MICALL1: variants seen among roughly 807,000 people sequenced by gnomAD.
MICALL1 encodes the protein MICAL like 1, also known as MICAL-like protein 1.
Under a neutral mutation model 83.7 loss-of-function variants are expected in MICALL1, and 61 were observed. That is an observed-to-expected ratio of 0.73 (90% confidence interval 0.59 to 0.90). The LOEUF (loss-of-function observed/expected upper bound fraction) is 0.90. Among genes scored for constraint, MICALL1 ranks in the 40% least tolerant of loss-of-function variants. The pLI, the probability that MICALL1 is intolerant of heterozygous loss-of-function variation, is 0.00. For missense variants in MICALL1, 1,066 were observed against 1,152.0 expected, an observed-to-expected ratio of 0.93 and a Z score of 1.08; for synonymous variants, 481 against 473.6, an observed-to-expected ratio of 1.02 and a Z score of -0.20.
At chr22:37,919,204 C>G in intron 5 of MICALL1, 26 bp downstream of exon 5, 15 of 1,494,980 alleles carry the variant, frequency 1.0e-5, no homozygotes, top group Non-Finnish European at 1.3e-5. Context: ...CGCGTGTTAC[C>G]CCCGAAACCA....
chr22:37,940,944 G>T lies in MICALL1; in HGVS notation c.*114G>T. 1 of 1,374,390 alleles carries T rather than the reference G, an allele frequency of 7.3e-7. No homozygotes were observed. Among genetic ancestry groups the T allele is most frequent in the Non-Finnish European group, 1.0e-6 (1 of 1,004,940 alleles). The allele number at this position is 1,374,390 out of a possible 1,614,324, so 85.1% of individuals were successfully genotyped here. On this transcript the variant is annotated 3_prime_UTR_variant, in exon 16 of 16. Transcript: ENST00000215957. ...ATCAGTCAGGAGGAAGATGACTAAG[G>T]GGAGGGATCCTCTGGGTGATGGCCT...
chr22:37,909,483 C>T lies in MICALL1; in HGVS notation c.147-2469C>T, dbSNP rs554226963. On this transcript the variant is annotated intron_variant, in intron 1 of 15. Transcript: ENST00000215957. ...ACGCCATTCTCCTGCCTTAGCCTCC[C>T]GAGTAGCTGGGACTACAGGTGCCCG... Among the ~76,000 whole-genome samples, 504 of 152,156 alleles carry T rather than the reference C, an allele frequency of 3.3e-3. 2 individuals carry two copies. Among genetic ancestry groups the T allele is most frequent in the African/African-American group, 0.012 (479 of 41,500 alleles).
chr22:37,923,587 C>T (rs758614721), intron 6 of MICALL1, among the ~76,000 whole-genome samples: 49 of 152,364 alleles, frequency 3.2e-4, no homozygotes, highest in Middle Eastern at 3.4e-3. Context: ...CTGCCGTGCT[C>T]TGTTCTCCAT....
In MICALL1 at chr22:37,931,792, C is replaced by G; in HGVS notation, c.1882-7C>G. On this transcript the variant is annotated splice_polypyrimidine_tract_variant and splice_region_variant and intron_variant, in intron 9 of 15. Coordinates refer to ENST00000215957, the MANE Select transcript of MICALL1 (RefSeq NM_033386.4). Reference sequence around the variant, plus strand: ...GCTCACCCTCTGTCATGTCTCCTTCCCTTTAGTCCTCCTGCAAGGAGAATC... The same window carrying G: ...GCTCACCCTCTGTCATGTCTCCTTCGCTTTAGTCCTCCTGCAAGGAGAATC... 1 of 1,614,026 alleles carries G rather than the reference C, an allele frequency of 6.2e-7. No homozygotes were observed. The highest frequency in any genetic ancestry group is 8.5e-7 in the Non-Finnish European group (1 of 1,179,952).
rs371341623 is a variant in MICALL1 at position 37,919,197 on chromosome 22, G to T, written c.569+19G>T. ...GCTTCCGGTGAGTGGCCAGGGCCGCGTGTTACCCCCGAAACCAGGGAGGGG... is the reference window on the plus strand; with the variant it reads ...GCTTCCGGTGAGTGGCCAGGGCCGCTTGTTACCCCCGAAACCAGGGAGGGG... On this transcript the variant is annotated intron_variant, in intron 5 of 15. Transcript: ENST00000215957. 3,524 of 1,504,922 alleles carry T rather than the reference G, an allele frequency of 2.3e-3. 64 individuals are homozygous for T. The South Asian group carries it at 0.026, about 11-fold the overall frequency. The allele number at this position is 1,504,922 out of a possible 1,614,324, so 93.2% of individuals were successfully genotyped here. A position where few individuals can be genotyped will look rare whatever the true frequency, so the allele number is the denominator to read the frequency against.
intron 3 of MICALL1, among the ~76,000 whole-genome samples, chr22:37,914,734 TG>T (rs1569136780): frequency 1.3e-5 from 2 of 151,666 alleles, no homozygotes; most frequent in Non-Finnish European, 2.9e-5. Context: ...TCAACCTTCC[TG>T]GGCTGCGGTG....
At chr22:37,922,787 TTTTTTTTTG>T (rs1929163720) in intron 6 of MICALL1, among the ~76,000 whole-genome samples, 15 of 125,752 alleles carry the variant, frequency 1.2e-4, no homozygotes, top group African/African-American at 5.0e-4. Flanking sequence ...TTTTGTTTTG[TTTTTTTTTG>T]TTTTTTTTTT....
rs559987057 is a variant in MICALL1, at chr22:37,922,498, G to T, written c.1024+72G>T. 2.0e-5 allele frequency: 25 copies of T among 1,237,784 alleles called. No individual in the cohort carries two copies. In the Admixed American group the frequency reaches 5.8e-4, roughly 29 times the overall value. 76.7% of individuals were successfully genotyped at this position (1,237,784 alleles called of 1,614,324 possible). On this transcript the variant is annotated intron_variant, in intron 6 of 15. Transcript: ENST00000215957. ...TGTCTATTGAAAAGTCTGTGTGTCT[G>T]GGAGTGTTGGTGGGCCCCTCTCCAT...
intron 3 of MICALL1, among the ~76,000 whole-genome samples, chr22:37,917,121 C>T (rs1031184317): frequency 6.6e-6 from 1 of 152,120 alleles, no homozygotes; most frequent in African/African-American, 2.4e-5. Flanking sequence ...ATCCACCCAC[C>T]TCAGCCTCCC....
rs903065104 is a variant in MICALL1, at chr22:37,922,078, C to G, written c.676C>G (p.Arg226Gly). The G allele has an allele frequency of 1.1e-5, 18 of 1,613,256 alleles. No individual in the cohort carries two copies. The highest frequency in any genetic ancestry group is 3.3e-4 in the Middle Eastern group (2 of 6,084). ...EHCARLGPGT[R>G]SGTRPGPFSQ... ...CTGTGCCAGGCTGGGCCCGGGGACA[C>G]GGTCGGGGACCAGGCCTGGGCCCTT... Residue 226 changes from arginine to glycine, a missense_variant, in exon 6 of 16, where the codon CGG (arginine) becomes GGG (glycine). Arg to Gly is a moderately radical substitution (Grantham distance 125, BLOSUM62 -2). Transcript: ENST00000215957.
At chr22:37,933,812 T>C (rs1929934575) in intron 13 of MICALL1, among the ~76,000 whole-genome samples, 1 of 152,124 alleles carries the variant, frequency 6.6e-6, no homozygotes, top group African/African-American at 2.4e-5. Context: ...TCTTGACAGA[T>C]GGGAAGTGGA....
Position 37,924,622 on chromosome 22 carries a change from G to A in MICALL1, c.1025-38G>A. ...GCTCCCTGGGTGCCCACCTCCTGCTGCCCATGAAGGCCTGGCTCACTCTCC... is the reference window on the plus strand; with the variant it reads ...GCTCCCTGGGTGCCCACCTCCTGCTACCCATGAAGGCCTGGCTCACTCTCC... On this transcript the variant is annotated intron_variant, in intron 6 of 15. Transcript: ENST00000215957. This position sits in a 1 kb window ranked among gnomAD's most constrained non-coding sequence, Gnocchi z 5.2. The A allele has an allele frequency of 6.3e-7, 1 of 1,596,616 alleles. No homozygotes were observed. The highest frequency in any genetic ancestry group is 8.6e-7 in the Non-Finnish European group (1 of 1,169,290).
chr22:37,922,602 T>TATATATATATATATATA (rs36105155), intron 6 of MICALL1, among the ~76,000 whole-genome samples, 176 bp downstream of exon 6: 1 of 37,206 alleles, frequency 2.7e-5, no homozygotes, highest in African/African-American at 1.2e-4. Context: ...TATATATATA[T>TATATATATATATATATA]TTTTTTTTTT....
intron 1 of MICALL1, among the ~76,000 whole-genome samples, chr22:37,908,719 G>A (rs145837485): frequency 7.7e-4 from 117 of 152,282 alleles, no homozygotes; most frequent in African/African-American, 2.8e-3. Context: ...AACCCTACAC[G>A]CTCTCCCACA....
rs1003632581 is a variant in MICALL1 at position 37,917,593 on chromosome 22, A to T, written c.338-114A>T. ...GAGCCAGCTCCTGTCCCACTGCATT[A>T]GGTGGTCTGCCTTTAGGTGATGGCT... is the stretch of plus-strand genomic sequence containing the variant. On this transcript the variant is annotated intron_variant, in intron 3 of 15. Coordinates refer to ENST00000215957, the MANE Select transcript of MICALL1 (RefSeq NM_033386.4). 4 of 892,380 alleles carry T rather than the reference A, an allele frequency of 4.5e-6. No homozygotes were observed. The African/African-American group carries it at 6.6e-5, about 15-fold the overall frequency. The allele number at this position is 892,380 out of a possible 1,614,324, so 55.3% of individuals were successfully genotyped here.
At position 37,941,956 on chromosome 22, in the gene MICALL1, T is replaced by G. The variant is rs1460024621; in HGVS notation, c.*1126T>G. On this transcript the variant is annotated 3_prime_UTR_variant, in exon 16 of 16. Coordinates refer to ENST00000215957, the MANE Select transcript of MICALL1 (RefSeq NM_033386.4). ...ACACACCTCTGGGAAAAGATTACAC[T>G]GTATTAACTCTCGAGGAGTTTCCTC... 1 of 152,264 alleles carries G rather than the reference T, an allele frequency of 6.6e-6. No homozygotes were observed. The highest frequency in any genetic ancestry group is 6.5e-5 in the Admixed American group (1 of 15,290). 9.4% of individuals were successfully genotyped at this position (152,264 alleles called of 1,614,324 possible). A position where few individuals can be genotyped will look rare whatever the true frequency, so the allele number is the denominator to read the frequency against.
chr22:37,921,840 G>T lies in MICALL1; in HGVS notation c.570-132G>T, dbSNP rs1929050268. On this transcript the variant is annotated intron_variant, in intron 5 of 15. Coordinates refer to ENST00000215957, the MANE Select transcript of MICALL1 (RefSeq NM_033386.4). ...TTTCTTTATCCTCTGGGAAGTCTAG[G>T]GTATGGAGTCGAGCTTGGCTGGCAG... The T allele has an allele frequency of 5.4e-6, 4 of 741,364 alleles. No individual in the cohort carries two copies. In the East Asian group the frequency reaches 8.0e-5, roughly 15 times the overall value. 45.9% of individuals were successfully genotyped at this position (741,364 alleles called of 1,614,324 possible).
At chr22:37,934,892 G>C (rs76702538) in intron 13 of MICALL1, among the ~76,000 whole-genome samples, 155 of 143,164 alleles carry the variant, frequency 1.1e-3, no homozygotes, top group African/African-American at 3.8e-3. Flanking sequence ...CACTGCGCCT[G>C]GCTCTATTTA....
At chr22:37,937,867 GA>G in intron 15 of MICALL1, 75 bp downstream of exon 15, 1 of 1,591,954 alleles carries the variant, frequency 6.3e-7, no homozygotes, top group Non-Finnish European at 8.6e-7. Context: ...GGGACTGGTT[GA>G]AGGGAGGGTT....
Sources: gnomAD v4.1 joint callset for allele counts (sites outside exome capture counted in the v4.1 genomes callset) on GRCh38, gnomAD v4.1.1 for gene constraint, Gnocchi (gnomAD v3.1) non-coding constraint, MANE v1.5 for transcripts, NCBI Gene and HGNC (gene_info 2026-07-23, HGNC 2026-07-21) for gene names.